Variants in RTN3 observed in about 807,000 individuals in gnomAD.
RTN3 encodes reticulon 3.
In RTN3, 49 loss-of-function variants were observed where a neutral mutation model predicts 77.8. The observed-to-expected ratio is 0.63, with a 90% CI of 0.50 to 0.80. The LOEUF is 0.80. Among genes scored for constraint, RTN3 ranks in the 30% least tolerant of loss-of-function variants. The pLI is 0.00. For synonymous variants in RTN3, 464 were observed against 446.9 expected, an observed-to-expected ratio of 1.04 and a Z score of -0.48; for missense variants, 1,236 against 1,211.9, an observed-to-expected ratio of 1.02 and a Z score of -0.29.
intron 2 of RTN3, among the ~76,000 whole-genome samples, chr11:63,717,271 G>T (rs545003985): frequency 1.3e-5 from 2 of 151,608 alleles, no homozygotes; most frequent in African/African-American, 4.8e-5. Flanking sequence ...TTAGAAAACA[G>T]TGTGGTAGAT....
chr11:63,736,539 T>G (rs939991994), intron 3 of RTN3, among the ~76,000 whole-genome samples: 1 of 151,842 alleles, frequency 6.6e-6, no homozygotes, highest in African/African-American at 2.4e-5. Flanking sequence ...ATACAAAAAA[T>G]TAGCTGGATG....
rs79859844 is a variant in RTN3, at chr11:63,691,759, A to T, written c.142+9981A>T. On this transcript the variant is annotated intron_variant, in intron 1 of 8. Transcript: ENST00000377819. ...AGTCTGACCAATTCTGTCAATCTCC[A>T]TTGCTACCACCCTGGTCCAGGCTAG... 6.2e-3 allele frequency among the ~76,000 whole-genome samples: 943 copies of T among 152,262 alleles called. 8 individuals are homozygous for T. The highest frequency in any genetic ancestry group is 0.021 in the African/African-American group (875 of 41,552).
intron 3 of RTN3, among the ~76,000 whole-genome samples, chr11:63,721,470 G>A (rs1319786789): frequency 4.0e-5 from 6 of 151,732 alleles, no homozygotes; most frequent in Middle Eastern, 3.4e-3. Flanking sequence ...AGCTGCTTGG[G>A]AGGCTGAGGC....
chr11:63,691,981 A>G (rs1214322668), intron 1 of RTN3, among the ~76,000 whole-genome samples: 1 of 152,074 alleles, frequency 6.6e-6, no homozygotes. Context: ...ACTTATTAAT[A>G]AATACCCTGT....
intron 1 of RTN3, among the ~76,000 whole-genome samples, chr11:63,703,018 G>A (rs932175581): frequency 1.3e-5 from 2 of 151,996 alleles, no homozygotes; most frequent in Non-Finnish European, 2.9e-5. Context: ...TTCGTAGATG[G>A]ACTATGTCTA....
Position 63,681,702 on chromosome 11 carries a change from G to T in RTN3, c.66G>T (p.Pro22=). ...CCTCGTCGTCCTTCGGAGCCGAGCC[G>T]TCCGCGCCCGGCGGCGGCGGGAGCC... ...SISSSSFGAE[P]SAPGGGGSPG... The change falls in exon 1 of 9, where the codon CCG becomes CCT. Residue 22 remains proline, a synonymous_variant. Coordinates refer to ENST00000377819, the MANE Select transcript of RTN3 (RefSeq NM_001265589.2). The T allele has an allele frequency of 6.2e-7, 1 of 1,610,800 alleles. No homozygotes were observed. Among genetic ancestry groups the T allele is most frequent in the South Asian group, 1.1e-5 (1 of 90,862 alleles).
chr11:63,751,841 A>G (rs1298460132), intron 4 of RTN3, among the ~76,000 whole-genome samples: 2 of 152,084 alleles, frequency 1.3e-5, no homozygotes, highest in African/African-American at 4.8e-5. Context: ...AAAATATGAA[A>G]ATTAGCCGGG....
At chr11:63,739,521 T>C (rs1367835338) in intron 3 of RTN3, among the ~76,000 whole-genome samples, 3 of 152,172 alleles carry the variant, frequency 2.0e-5, no homozygotes, top group Non-Finnish European at 2.9e-5. Flanking sequence ...AGATAACACA[T>C]AGCACACCCA....
chr11:63,748,682 T>G (rs1414019966), intron 3 of RTN3, among the ~76,000 whole-genome samples: 3 of 146,210 alleles, frequency 2.1e-5, no homozygotes, highest in Admixed American at 1.4e-4. Flanking sequence ...TTTTTTTTTT[T>G]TTTTAGACGG....
chr11:63,749,188 A>C (rs1050955542), intron 3 of RTN3, among the ~76,000 whole-genome samples: 1 of 152,168 alleles, frequency 6.6e-6, no homozygotes, highest in African/African-American at 2.4e-5. Flanking sequence ...CTGAGGTAGG[A>C]GGCTTGCTTG....
chr11:63,736,928 G>A (rs573475226), intron 3 of RTN3, among the ~76,000 whole-genome samples: 1 of 151,350 alleles, frequency 6.6e-6, no homozygotes, highest in South Asian at 2.1e-4. Context: ...GTTATACAAG[G>A]CATGTACAAC....
In RTN3 at chr11:63,684,915, A is replaced by G. The variant is rs1204618257; in HGVS notation, c.142+3137A>G. On this transcript the variant is annotated intron_variant, in intron 1 of 8. Coordinates refer to ENST00000377819, the MANE Select transcript of RTN3 (RefSeq NM_001265589.2). ...GGTGGGATTACAGACATGCACCACC[A>G]CGCCCAGATAATTTTTGTACTTTTA... 2.0e-5 allele frequency among the ~76,000 whole-genome samples: 3 copies of G among 150,578 alleles called. No individual in the cohort carries two copies. In the East Asian group the frequency reaches 6.0e-4, roughly 30 times the overall value.
intron 2 of RTN3, among the ~76,000 whole-genome samples, chr11:63,705,330 A>G (rs1248867870): frequency 2.0e-5 from 3 of 152,154 alleles, no homozygotes; most frequent in Admixed American, 6.5e-5. Context: ...TCTACAGAAA[A>G]TATCCGGGCA....
intron 3 of RTN3, among the ~76,000 whole-genome samples, chr11:63,741,213 AT>A (rs1302374680): frequency 2.0e-5 from 3 of 149,918 alleles, no homozygotes; most frequent in African/African-American, 4.9e-5. Flanking sequence ...TTATTTATTT[AT>A]TTTTTGAGAT....
chr11:63,740,170 CTA>C (rs923529780), intron 3 of RTN3, among the ~76,000 whole-genome samples: 1 of 152,136 alleles, frequency 6.6e-6, no homozygotes, highest in Non-Finnish European at 1.5e-5. Flanking sequence ...ACACACCAAT[CTA>C]TTTAATCATA....
intron 4 of RTN3, 60 bp downstream of exon 4, chr11:63,750,258 A>G (rs2014030857): frequency 7.1e-7 from 1 of 1,403,186 alleles, no homozygotes; most frequent in African/African-American, 1.4e-5. Flanking sequence ...ACTGAAGCTG[A>G]TAGGTCTAAA....
At chr11:63,698,231 C>G (rs1942064393) in intron 1 of RTN3, among the ~76,000 whole-genome samples, 1 of 152,058 alleles carries the variant, frequency 6.6e-6, no homozygotes, top group African/African-American at 2.4e-5. Context: ...TCAAGTGATC[C>G]TTTCAGCTCA....
At chr11:63,681,912 G>T (rs1047098405) in intron 1 of RTN3, 134 bp downstream of exon 1, 1 of 989,542 alleles carries the variant, frequency 1.0e-6, no homozygotes, top group Admixed American at 3.2e-5. Flanking sequence ...CCGGGGACGA[G>T]CGTTTGGAAA....
At chr11:63,741,107 G>C (rs1004991608) in intron 3 of RTN3, among the ~76,000 whole-genome samples, 4 of 152,134 alleles carry the variant, frequency 2.6e-5, no homozygotes, top group Non-Finnish European at 5.9e-5. Context: ...TGGGGATAAA[G>C]TATTTTACTA....
Sources: allele counts gnomAD v4.1 joint callset (sites outside exome capture counted in the v4.1 genomes callset), GRCh38; gene constraint gnomAD v4.1.1; transcripts MANE v1.5; gene names NCBI Gene and HGNC (gene_info 2026-07-23, HGNC 2026-07-21).